Variants in PTPRD observed in about 807,000 individuals in gnomAD.
PTPRD encodes the protein protein tyrosine phosphatase receptor type D, also known as receptor-type tyrosine-protein phosphatase delta.
In PTPRD, 34 loss-of-function variants were observed where a neutral mutation model predicts 214.5. The ratio of observed to expected loss-of-function variants is 0.16; its 90% CI spans 0.12 to 0.21. The LOEUF (loss-of-function observed/expected upper bound fraction) is 0.21, where lower values mean the gene tolerates loss of function less well. Among genes scored for constraint, PTPRD ranks in the 10% least tolerant of loss-of-function variants. The pLI is 1.00. For synonymous variants in PTPRD, 1,128 were observed against 845.7 expected (o/e 1.33, Z -5.79); for missense variants, 2,545 against 2,398.7 (o/e 1.06, Z -1.27).
chr9:8,948,436 TTTACA>T (rs2099080008), intron 11 of PTPRD, among the ~76,000 whole-genome samples: 1 of 15,572 alleles, frequency 6.4e-5, no homozygotes, highest in South Asian at 6.3e-3. Context: ...TATATATATA[TTTACA>T]TATATATATA....
In PTPRD at chr9:8,517,840, A is replaced by G. The variant is rs2138446312; in HGVS notation, c.1543+8T>C. ...TCCTGCCCTATTTCCCTCCTCAACC[A>G]AACTTACCTCCTGTCTGAGTGATGA... On this transcript the variant is annotated splice_region_variant and intron_variant, in intron 21 of 45. Coordinates refer to ENST00000381196, the MANE Select transcript of PTPRD (RefSeq NM_002839.4). The G allele has an allele frequency of 6.2e-7, 1 of 1,608,104 alleles. No individual in the cohort carries two copies. The highest frequency in any genetic ancestry group is 8.5e-7 in the Non-Finnish European group (1 of 1,176,560).
At position 8,905,612 on chromosome 9, in the gene PTPRD, G is replaced by T. The variant is rs181224138; in HGVS notation, c.-104+113085C>A. Among the ~76,000 whole-genome samples the T allele has an allele frequency of 4.9e-3, 751 of 151,898 alleles. 5 individuals carry two copies. Among genetic ancestry groups the T allele is most frequent in the Non-Finnish European group, 7.1e-3 (482 of 67,974 alleles). ...AAATTAGTTGGGCATGGTGGCGAGT[G>T]CCTGTAATCTCAACTACTCAAGAGG... On this transcript the variant is annotated intron_variant, in intron 11 of 45. Transcript: ENST00000381196.
At chr9:9,367,561 CTAATTTTTGTATATATTAGAATG>C (rs2058218313) in intron 9 of PTPRD, among the ~76,000 whole-genome samples, 1 of 151,278 alleles carries the variant, frequency 6.6e-6, no homozygotes, top group Non-Finnish European at 1.5e-5. Context: ...CAACTGAAGT[CTAATTTTTGTATATATTAGAATG>C]AGTAACTATC....
intron 12 of PTPRD, among the ~76,000 whole-genome samples, chr9:8,674,459 A>C (rs2097359317): frequency 7.3e-5 from 1 of 13,638 alleles, no homozygotes; most frequent in Non-Finnish European, 1.3e-4. Flanking sequence ...GCTGTCTCAA[A>C]AAAAAAAAAA....
At chr9:9,912,582 T>C (rs964770010) in intron 5 of PTPRD, among the ~76,000 whole-genome samples, 1 of 152,182 alleles carries the variant, frequency 6.6e-6, no homozygotes, top group East Asian at 1.9e-4. Context: ...GAAAGCTGAA[T>C]AATATTAAAT....
intron 12 of PTPRD, among the ~76,000 whole-genome samples, chr9:8,658,372 C>T (rs2154351825): frequency 6.6e-6 from 1 of 152,280 alleles, no homozygotes; most frequent in Middle Eastern, 3.4e-3. Flanking sequence ...GTGAGTCCCT[C>T]TCAGAACTCA....
At chr9:8,608,394 C>T (rs1041452539) in intron 14 of PTPRD, among the ~76,000 whole-genome samples, 12 of 152,066 alleles carry the variant, frequency 7.9e-5, no homozygotes, top group African/African-American at 2.7e-4. Flanking sequence ...ATAGGAAGAA[C>T]GAGAGGTATT....
intron 8 of PTPRD, among the ~76,000 whole-genome samples, chr9:9,514,640 T>G (rs536203839): frequency 1.3e-5 from 2 of 152,096 alleles, no homozygotes; most frequent in Non-Finnish European, 2.9e-5. Flanking sequence ...TTAAGGAGAA[T>G]TGAGATATAA....
At chr9:8,596,395 A>T (rs1316022807) in intron 14 of PTPRD, among the ~76,000 whole-genome samples, 1 of 152,072 alleles carries the variant, frequency 6.6e-6, no homozygotes, top group Non-Finnish European at 1.5e-5. Context: ...TGAAAAAAAT[A>T]AAAAAGATGC....
At chr9:10,372,836 CATTATT>C (rs6150914) in intron 2 of PTPRD, among the ~76,000 whole-genome samples, 1 of 146,632 alleles carries the variant, frequency 6.8e-6, no homozygotes, top group Non-Finnish European at 1.5e-5. Context: ...TGTTTTTATA[CATTATT>C]ATTATTATTA....
chr9:10,103,025 T>C (rs2098576014), intron 3 of PTPRD, among the ~76,000 whole-genome samples: 1 of 151,640 alleles, frequency 6.6e-6, no homozygotes, highest in Non-Finnish European at 1.5e-5. Flanking sequence ...ACTTAATGTC[T>C]AGAAACCAAT....
Position 9,924,581 on chromosome 9 carries a change from A to G in PTPRD, c.-368+13926T>C, listed in dbSNP as rs184115087. On this transcript the variant is annotated intron_variant, in intron 5 of 45. Coordinates refer to ENST00000381196, the MANE Select transcript of PTPRD (RefSeq NM_002839.4). ...CCCGAAACACTTTCCTTGCCTTTCC[A>G]GTACGCTTTCACTTTCCTTTCCTTG... 4.5e-3 allele frequency among the ~76,000 whole-genome samples: 654 copies of G among 146,778 alleles called. 2 individuals are homozygous for G. The highest frequency in any genetic ancestry group is 0.016 in the African/African-American group (622 of 39,122).
At chr9:10,029,535 C>A (rs545227505) in intron 4 of PTPRD, among the ~76,000 whole-genome samples, 3 of 152,170 alleles carry the variant, frequency 2.0e-5, no homozygotes, top group Admixed American at 1.3e-4. Flanking sequence ...CAAAGGAGAT[C>A]ATTTTGGAGC....
At chr9:9,065,018 C>T (rs973674172) in intron 10 of PTPRD, among the ~76,000 whole-genome samples, 8 of 152,110 alleles carry the variant, frequency 5.3e-5, no homozygotes, top group South Asian at 2.1e-4. Context: ...GAACTTTTGG[C>T]TGAAGAATTC....
At chr9:9,300,430 G>A (rs1203148196) in intron 9 of PTPRD, among the ~76,000 whole-genome samples, 1 of 151,668 alleles carries the variant, frequency 6.6e-6, no homozygotes, top group East Asian at 1.9e-4. Context: ...TCATCATTAT[G>A]ATCTCTGTCT....
intron 9 of PTPRD, among the ~76,000 whole-genome samples, chr9:9,242,666 T>C (rs1412074515): frequency 2.0e-5 from 3 of 152,198 alleles, no homozygotes; most frequent in Non-Finnish European, 2.9e-5. Flanking sequence ...GTCACGTAGT[T>C]CTTGTGCCAT....
At chr9:9,685,360 T>C (rs189500059) in intron 7 of PTPRD, among the ~76,000 whole-genome samples, 108 of 151,282 alleles carry the variant, frequency 7.1e-4, no homozygotes, top group African/African-American at 2.5e-3. Context: ...CATGTACTTA[T>C]TAAAAACAAG....
chr9:9,004,551 C>A (rs2099447386), intron 11 of PTPRD, among the ~76,000 whole-genome samples: 1 of 151,832 alleles, frequency 6.6e-6, no homozygotes, highest in Non-Finnish European at 1.5e-5. Flanking sequence ...TTTAATTCTT[C>A]CCAAATGTTT....
intron 12 of PTPRD, among the ~76,000 whole-genome samples, chr9:8,720,887 T>A (rs933077278): frequency 1.3e-5 from 2 of 152,084 alleles, no homozygotes; most frequent in African/African-American, 4.8e-5. Flanking sequence ...TCTTGGGCCC[T>A]CTGGCTGCTG....
Sources: allele counts gnomAD v4.1 joint callset (sites outside exome capture counted in the v4.1 genomes callset), GRCh38; gene constraint gnomAD v4.1.1; transcripts MANE v1.5; gene names NCBI Gene and HGNC (gene_info 2026-07-23, HGNC 2026-07-21).